The following PSD3 variants were observed in gnomAD, a reference collection of about 807,000 sequenced individuals.
PSD3 encodes pleckstrin and Sec7 domain containing 3.
A neutral mutation model predicts 105.5 loss-of-function variants in PSD3; 49 were observed. That is an observed-to-expected ratio of 0.46 (90% CI 0.37 to 0.59). PSD3 has a LOEUF of 0.59. PSD3 is among the 20% of genes least tolerant of loss of function. The pLI is 0.00. For synonymous variants in PSD3, 557 were observed against 457.8 expected (o/e 1.22, Z -2.77); for missense variants, 1,561 against 1,263.8 (o/e 1.24, Z -3.57).
intron 4 of PSD3, among the ~76,000 whole-genome samples, chr8:18,818,709 G>T (rs1812434180): frequency 1.3e-5 from 2 of 152,020 alleles, no homozygotes; most frequent in South Asian, 4.1e-4. Flanking sequence ...AGCAAAAAAA[G>T]GAAAGAAAGA....
Position 18,590,715 on chromosome 8 carries a change from G to A in PSD3, c.2481+9649C>T, listed in dbSNP as rs982100665. Reference sequence around the variant, plus strand: ...TAAAAAAGAGTATGTCTGAAAGTGGGGGAAAAGTTAAATTATGATAAATCT... The same window carrying A: ...TAAAAAAGAGTATGTCTGAAAGTGGAGGAAAAGTTAAATTATGATAAATCT... On this transcript the variant is annotated intron_variant, in intron 12 of 15. Coordinates refer to ENST00000327040, the MANE Select transcript of PSD3 (RefSeq NM_015310.4). 3.9e-5 allele frequency among the ~76,000 whole-genome samples: 6 copies of A among 151,936 alleles called. No individual in the cohort carries two copies. The East Asian group carries it at 1.2e-3, about 29-fold the overall frequency.
chr8:18,607,612 T>G (rs1166900171), intron 11 of PSD3, among the ~76,000 whole-genome samples: 2 of 141,314 alleles, frequency 1.4e-5, no homozygotes, highest in Non-Finnish European at 3.0e-5. Flanking sequence ...ATATTAAAAT[T>G]ACTTAAGAGC....
At chr8:18,632,552 T>G in intron 11 of PSD3, 61 bp downstream of exon 11, 1 of 1,517,680 alleles carries the variant, frequency 6.6e-7, no homozygotes, top group Non-Finnish European at 9.0e-7. Context: ...TAAATTCCCT[T>G]TAAATTTTGA....
chr8:18,817,513 G>C (rs951306928), intron 4 of PSD3, among the ~76,000 whole-genome samples: 1 of 152,070 alleles, frequency 6.6e-6, no homozygotes, highest in African/African-American at 2.4e-5. Context: ...ATAATGGCTG[G>C]GCTTTAACAT....
chr8:19,026,455 A>G (rs1389308316), intron 1 of PSD3, among the ~76,000 whole-genome samples: 1 of 152,102 alleles, frequency 6.6e-6, no homozygotes, highest in Non-Finnish European at 1.5e-5. Flanking sequence ...TGAATGCAAA[A>G]ACCTAAGAGA....
chr8:18,862,939 T>C (rs1437449242), intron 4 of PSD3, among the ~76,000 whole-genome samples: 1 of 150,472 alleles, frequency 6.6e-6, no homozygotes, highest in Admixed American at 6.6e-5. Flanking sequence ...CAGAGTGGGC[T>C]GAAGACAGAC....
At chr8:18,859,216 A>C (rs1266479569) in intron 4 of PSD3, among the ~76,000 whole-genome samples, 2 of 149,192 alleles carry the variant, frequency 1.3e-5, no homozygotes, top group African/African-American at 5.0e-5. Flanking sequence ...AGTATTTTCA[A>C]AGAAATCCTT....
rs202153919 is a variant in PSD3, at chr8:18,535,818, G to A, written c.3069C>T (p.Ala1023=). Residue 1023 remains alanine (A), a synonymous_variant, in exon 16 of 16, where the codon GCC becomes GCT. Transcript: ENST00000327040. ...TCTCTGACACGTTACGCTTGACTTTGGCAGTGATTGGAGAAGTATCCGGGT... is the reference window on the plus strand; with the variant it reads ...TCTCTGACACGTTACGCTTGACTTTAGCAGTGATTGGAGAAGTATCCGGGT... The part of the protein sequence containing the change: ...SLNPDTSPIT[A]KVKRNVSERK... 3.8e-4 allele frequency: 621 copies of A among 1,614,118 alleles called. 1 individual carries two copies. In the Middle Eastern group the frequency reaches 8.4e-3, roughly 22 times the overall value.
At position 18,563,087 on chromosome 8, in the gene PSD3, C is replaced by G. The variant is rs549244226; in HGVS notation, c.2785-6735G>C. On this transcript the variant is annotated intron_variant, in intron 14 of 15. Transcript: ENST00000327040. The stretch of plus-strand genomic sequence containing the variant: ...TGAGTTTTATCTCCTTTACCGATTA[C>G]AAGCTCTTAAAAAGGCAAAAAAGGT... 3.3e-5 allele frequency among the ~76,000 whole-genome samples: 5 copies of G among 152,256 alleles called. No homozygotes were observed. The South Asian group carries it at 6.2e-4, about 19-fold the overall frequency.
chr8:18,850,967 C>T (rs1815517537), intron 4 of PSD3, among the ~76,000 whole-genome samples: 1 of 152,080 alleles, frequency 6.6e-6, no homozygotes, highest in Non-Finnish European at 1.5e-5. Flanking sequence ...CATTCAAGAA[C>T]AGAGGGGACA....
At chr8:18,763,940 C>T (rs1482517446) in intron 9 of PSD3, among the ~76,000 whole-genome samples, 1 of 152,146 alleles carries the variant, frequency 6.6e-6, no homozygotes, top group East Asian at 1.9e-4. Flanking sequence ...AACATAATCT[C>T]ATTGCACAAC....
intron 1 of PSD3, among the ~76,000 whole-genome samples, chr8:19,027,966 G>A (rs146375244): frequency 6.2e-4 from 95 of 152,240 alleles, no homozygotes; most frequent in African/African-American, 2.2e-3. Flanking sequence ...ATATTACTGG[G>A]ACATATGGTT....
chr8:18,527,420 T>C lies in PSD3; in HGVS notation c.*8323A>G, dbSNP rs775486148. ...TTCTATTACATAAAAACCATTTAAA[T>C]GCAATAAATTTTGTTGCCGTAAAAC... On this transcript the variant is annotated 3_prime_UTR_variant, in exon 16 of 16. Coordinates refer to ENST00000327040, the MANE Select transcript of PSD3 (RefSeq NM_015310.4). The C allele has an allele frequency of 5.2e-5, 8 of 152,744 alleles. No individual in the cohort carries two copies. Among genetic ancestry groups the C allele is most frequent in the Admixed American group, 1.3e-4 (2 of 15,300 alleles). The allele number at this position is 152,744 out of a possible 1,614,324, so 9.5% of individuals were successfully genotyped here. A position where few individuals can be genotyped will look rare whatever the true frequency, so the allele number is the denominator to read the frequency against.
chr8:18,535,930 A>C lies in PSD3; in HGVS notation c.2957T>G (p.Ile986Ser). Reference sequence around the variant, plus strand: ...TAGCTCTTTGCCTCCTTCCTTGAGAATGCTGACATACATTTCATAGCGGGT... The same window carrying C: ...TAGCTCTTTGCCTCCTTCCTTGAGACTGCTGACATACATTTCATAGCGGGT... ...EKTRYEMYVSILKEGGKELLS... is the reference protein window; with the variant it reads ...EKTRYEMYVSSLKEGGKELLS... Residue 986 changes from isoleucine (I) to serine (S), a missense_variant, in exon 16 of 16, where the codon ATT (isoleucine) becomes AGT (serine). Ile to Ser is a moderately radical substitution (Grantham distance 142). Coordinates refer to ENST00000327040, the MANE Select transcript of PSD3 (RefSeq NM_015310.4). The C allele has an allele frequency of 1.2e-6, 2 of 1,614,198 alleles. No homozygotes were observed. Among genetic ancestry groups the C allele is most frequent in the Non-Finnish European group, 1.7e-6 (2 of 1,180,034 alleles).
chr8:18,927,919 G>C (rs1018422840), intron 2 of PSD3, among the ~76,000 whole-genome samples: 1 of 152,178 alleles, frequency 6.6e-6, no homozygotes, highest in Non-Finnish European at 1.5e-5. Flanking sequence ...TTGTACAACT[G>C]TTGTGGAAAA....
chr8:18,574,926 G>T lies in PSD3; in HGVS notation c.2639+202C>A, dbSNP rs115098414. Among the ~76,000 whole-genome samples the T allele has an allele frequency of 4.0e-3, 604 of 151,936 alleles. 5 individuals are homozygous for T. Among genetic ancestry groups the T allele is most frequent in the African/African-American group, 0.014 (566 of 41,400 alleles). ...TGACTAAAAGTCAAAGGGCTACTTT[G>T]TAACAGGTAAAAATGTAAATCCTGG... On this transcript the variant is annotated intron_variant, in intron 13 of 15. Transcript: ENST00000327040.
At chr8:18,720,448 A>G (rs982326994) in intron 9 of PSD3, among the ~76,000 whole-genome samples, 4 of 152,218 alleles carry the variant, frequency 2.6e-5, no homozygotes, top group African/African-American at 9.6e-5. Flanking sequence ...AAGAAACCAG[A>G]GTTAAAAACA....
chr8:18,927,597 C>G (rs1461761792), intron 2 of PSD3, among the ~76,000 whole-genome samples: 1 of 152,200 alleles, frequency 6.6e-6, no homozygotes, highest in African/African-American at 2.4e-5. Flanking sequence ...TCGCTCCTCC[C>G]AGGAGGCTGC....
intron 14 of PSD3, among the ~76,000 whole-genome samples, chr8:18,556,574 C>G (rs1801089178): frequency 6.6e-6 from 1 of 152,192 alleles, no homozygotes; most frequent in Non-Finnish European, 1.5e-5. Context: ...TTAACTAGGT[C>G]CCTTGTCATA....
Sources: allele counts gnomAD v4.1 joint callset (sites outside exome capture counted in the v4.1 genomes callset), GRCh38; gene constraint gnomAD v4.1.1; transcripts MANE v1.5; gene names NCBI Gene and HGNC (gene_info 2026-07-23, HGNC 2026-07-21).